Variants in MEIKIN observed in about 807,000 individuals in gnomAD.
The protein encoded by MEIKIN is meiosis-specific kinetochore protein.
At chr5:131,891,694 T>A (rs1183319310) in intron 8 of MEIKIN, among the ~76,000 whole-genome samples, 1 of 152,218 alleles carries the variant, frequency 6.6e-6, no homozygotes. Flanking sequence ...GTCTTTTAAT[T>A]AGAGCATTTA....
intron 7 of MEIKIN, among the ~76,000 whole-genome samples, chr5:131,912,290 GATT>G (rs766214248): frequency 1.1e-4 from 17 of 150,062 alleles, no homozygotes; most frequent in South Asian, 2.1e-4. Context: ...ATGACAGATT[GATT>G]ATTATTATTA....
chr5:131,901,354 C>T (rs919300582), intron 8 of MEIKIN, among the ~76,000 whole-genome samples: 3 of 152,130 alleles, frequency 2.0e-5, no homozygotes, highest in Non-Finnish European at 4.4e-5. Context: ...GCACCCACCT[C>T]GTCCTAACAT....
intron 8 of MEIKIN, among the ~76,000 whole-genome samples, chr5:131,893,368 A>G (rs1223519781): frequency 6.6e-6 from 1 of 152,222 alleles, no homozygotes; most frequent in Non-Finnish European, 1.5e-5. Flanking sequence ...GCAAGGCTCC[A>G]TGGGCGTAGG....
intron 8 of MEIKIN, among the ~76,000 whole-genome samples, chr5:131,910,689 T>C (rs2149643149): frequency 6.6e-6 from 1 of 152,196 alleles, no homozygotes; most frequent in Non-Finnish European, 1.5e-5. Context: ...AAATATCTCA[T>C]GTAAGCCATA....
chr5:131,866,273 C>T (rs1024229619), intron 9 of MEIKIN, among the ~76,000 whole-genome samples: 1 of 152,266 alleles, frequency 6.6e-6, no homozygotes, highest in African/African-American at 2.4e-5. Flanking sequence ...GATCTCAGAC[C>T]CTGGGAAGAG....
At chr5:131,862,685 TTTTA>T (rs773707312) in intron 9 of MEIKIN, among the ~76,000 whole-genome samples, 7 of 152,178 alleles carry the variant, frequency 4.6e-5, no homozygotes, top group East Asian at 1.9e-4. Flanking sequence ...GTATTTCAAT[TTTTA>T]TTTATTTCAA....
intron 9 of MEIKIN, among the ~76,000 whole-genome samples, chr5:131,876,341 G>A (rs1371950599): frequency 6.6e-6 from 1 of 151,752 alleles, no homozygotes; most frequent in East Asian, 1.9e-4. Flanking sequence ...CGAAGGATAT[G>A]AGCAGACACT....
At chr5:131,866,309 C>T (rs566445019) in intron 9 of MEIKIN, among the ~76,000 whole-genome samples, 13 of 152,288 alleles carry the variant, frequency 8.5e-5, no homozygotes, top group East Asian at 3.9e-4. Context: ...AATGGTGTAC[C>T]GGGCTGGGTG....
At chr5:131,863,508 C>T (rs914798937) in intron 9 of MEIKIN, among the ~76,000 whole-genome samples, 18 of 144,768 alleles carry the variant, frequency 1.2e-4, no homozygotes, top group East Asian at 4.0e-4. Flanking sequence ...TATTGTTACA[C>T]GCTCTTCTAG....
chr5:131,822,705 G>T (rs1473487695), intron 11 of MEIKIN, among the ~76,000 whole-genome samples: 5 of 152,162 alleles, frequency 3.3e-5, no homozygotes, highest in Non-Finnish European at 7.4e-5. Context: ...TAACTCAAGA[G>T]AAGTTTACAC....
intron 4 of MEIKIN, among the ~76,000 whole-genome samples, chr5:131,941,551 G>A (rs1751870803): frequency 1.3e-5 from 2 of 151,808 alleles, no homozygotes; most frequent in South Asian, 4.2e-4. Context: ...TTTTTTTCCT[G>A]CTGTTGATAT....
intron 4 of MEIKIN, among the ~76,000 whole-genome samples, chr5:131,939,583 CTTAA>C (rs138605516): frequency 0.011 from 1,658 of 151,930 alleles, 13 homozygotes; most frequent in Middle Eastern, 0.017. Flanking sequence ...ATATAAAATC[CTTAA>C]TTAATTTTTC....
chr5:131,938,125 G>A (rs938032098), intron 4 of MEIKIN, among the ~76,000 whole-genome samples: 53 of 148,908 alleles, frequency 3.6e-4, no homozygotes, highest in African/African-American at 1.2e-3. Flanking sequence ...CAACTTTATT[G>A]AGATATAATT....
chr5:131,873,461 T>C (rs982037498), intron 9 of MEIKIN, among the ~76,000 whole-genome samples: 1 of 152,186 alleles, frequency 6.6e-6, no homozygotes, highest in Non-Finnish European at 1.5e-5. Context: ...ATCCTAAATA[T>C]ATATGCACCC....
chr5:131,823,854 A>G (rs1020879745), intron 11 of MEIKIN, among the ~76,000 whole-genome samples: 1 of 152,184 alleles, frequency 6.6e-6, no homozygotes, highest in African/African-American at 2.4e-5. Flanking sequence ...AAGTATTCCA[A>G]GGGACTTGGG....
At chr5:131,889,181 C>T (rs1321044135) in intron 8 of MEIKIN, among the ~76,000 whole-genome samples, 2 of 152,150 alleles carry the variant, frequency 1.3e-5, no homozygotes, top group Non-Finnish European at 2.9e-5. Flanking sequence ...TTAGGATTGA[C>T]TTGGCAATGC....
intron 8 of MEIKIN, among the ~76,000 whole-genome samples, chr5:131,884,174 G>A (rs1390500138): frequency 6.6e-6 from 1 of 152,072 alleles, no homozygotes; most frequent in African/African-American, 2.4e-5. Flanking sequence ...GGGTGGTGTC[G>A]GGGAGCGGGG....
chr5:131,906,070 T>C (rs1751237985), intron 8 of MEIKIN, among the ~76,000 whole-genome samples: 1 of 152,086 alleles, frequency 6.6e-6, no homozygotes, highest in Non-Finnish European at 1.5e-5. Context: ...CAAAAGAAAC[T>C]ATCAACAGAA....
chr5:131,850,819 A>G (rs1750103066), intron 11 of MEIKIN, among the ~76,000 whole-genome samples: 1 of 152,140 alleles, frequency 6.6e-6, no homozygotes, highest in Non-Finnish European at 1.5e-5. Context: ...GTATGCCTGC[A>G]GTCCTAGCTA....
Sources: gnomAD v4.1 joint callset for allele counts (sites outside exome capture counted in the v4.1 genomes callset) on GRCh38, gnomAD v4.1.1 for gene constraint, MANE v1.5 for transcripts, NCBI Gene and HGNC (gene_info 2026-07-23, HGNC 2026-07-21) for gene names.